The following FIGN variants were observed in gnomAD, a reference collection of about 807,000 sequenced individuals.
FIGN encodes the protein fidgetin.
In FIGN, 11 loss-of-function variants were observed where a neutral mutation model predicts 51.3. The ratio of observed to expected loss-of-function variants is 0.21; its 90% confidence interval spans 0.13 to 0.35. FIGN has a LOEUF of 0.35. FIGN is among the 10% of genes least tolerant of loss of function. FIGN has a pLI of 1.00. For synonymous variants in FIGN, 407 were observed against 363.2 expected, an observed-to-expected ratio of 1.12 and a Z score of -1.37; for missense variants, 857 against 943.6, an observed-to-expected ratio of 0.91 and a Z score of 1.20.
At chr2:163,727,600 T>A (rs1684857038) in intron 2 of FIGN, among the ~76,000 whole-genome samples, 1 of 152,134 alleles carries the variant, frequency 6.6e-6, no homozygotes, top group African/African-American at 2.4e-5. Context: ...ATAAGTTCAA[T>A]TTTTTTCTTC....
intron 2 of FIGN, among the ~76,000 whole-genome samples, chr2:163,645,908 A>G (rs565227900): frequency 2.0e-5 from 3 of 152,328 alleles, no homozygotes; most frequent in African/African-American, 7.2e-5. Flanking sequence ...CCAAACTTTT[A>G]TTTCACTTCT....
In FIGN at chr2:163,715,990, C is replaced by A. The variant is rs923782763; in HGVS notation, c.25+18913G>T. Reference sequence around the variant, plus strand: ...TAAAATAAAAACATATTTTAAGCAGCTTATAGTGCCAACACATTATTCCCA... The same window carrying A: ...TAAAATAAAAACATATTTTAAGCAGATTATAGTGCCAACACATTATTCCCA... On this transcript the variant is annotated intron_variant, in intron 2 of 2. Coordinates refer to ENST00000333129, the MANE Select transcript of FIGN (RefSeq NM_018086.4). Among the ~76,000 whole-genome samples the A allele has an allele frequency of 2.6e-5, 4 of 152,184 alleles. No individual in the cohort carries two copies. In the East Asian group the frequency reaches 5.8e-4, roughly 22 times the overall value.
intron 2 of FIGN, among the ~76,000 whole-genome samples, chr2:163,703,764 C>T (rs542271878): frequency 6.6e-6 from 1 of 152,174 alleles, no homozygotes; most frequent in African/African-American, 2.4e-5. Flanking sequence ...GCCATGTTAA[C>T]TTGATTTCAA....
At chr2:163,631,904 T>C (rs1683151137) in intron 2 of FIGN, among the ~76,000 whole-genome samples, 1 of 152,136 alleles carries the variant, frequency 6.6e-6, no homozygotes, top group South Asian at 2.1e-4. Flanking sequence ...TCCCAGCACT[T>C]TGGGAGGCCG....
intron 2 of FIGN, among the ~76,000 whole-genome samples, chr2:163,617,517 T>A (rs1682900010): frequency 6.6e-6 from 1 of 152,174 alleles, no homozygotes; most frequent in South Asian, 2.1e-4. Context: ...ATTCCAGACA[T>A]CCTCACTTTT....
In FIGN at chr2:163,729,736, T is replaced by C. The variant is rs553926167; in HGVS notation, c.25+5167A>G. On this transcript the variant is annotated intron_variant, in intron 2 of 2. Coordinates refer to ENST00000333129, the MANE Select transcript of FIGN (RefSeq NM_018086.4). ...GGAAGCAGTGATACTATAAATGCTT[T>C]GTGAAAGTCATGAGAGCTAAAATAT... Among the ~76,000 whole-genome samples the C allele has an allele frequency of 1.3e-3, 195 of 152,312 alleles. 1 individual carries two copies. The Middle Eastern group carries it at 0.02, about 16-fold the overall frequency.
chr2:163,665,408 C>A (rs1683757688), intron 2 of FIGN, among the ~76,000 whole-genome samples: 1 of 152,162 alleles, frequency 6.6e-6, no homozygotes, highest in African/African-American at 2.4e-5. Context: ...ATGGATTATT[C>A]CTATTTTACT....
At chr2:163,644,753 G>A (rs948989916) in intron 2 of FIGN, among the ~76,000 whole-genome samples, 1 of 152,146 alleles carries the variant, frequency 6.6e-6, no homozygotes, top group African/African-American at 2.4e-5. Context: ...AAAAAGGAAT[G>A]AAGTACTGGC....
intron 2 of FIGN, among the ~76,000 whole-genome samples, chr2:163,660,804 C>T (rs1221805879): frequency 2.9e-5 from 2 of 69,134 alleles, no homozygotes; most frequent in African/African-American, 6.2e-5. Flanking sequence ...TATAGATATA[C>T]ATATATATAC....
intron 2 of FIGN, among the ~76,000 whole-genome samples, chr2:163,693,879 A>C (rs1372061210): frequency 6.6e-6 from 1 of 152,216 alleles, no homozygotes; most frequent in East Asian, 1.9e-4. Context: ...CACATCAAAC[A>C]AACTGAGCCA....
At chr2:163,637,253 C>G (rs1683240706) in intron 2 of FIGN, among the ~76,000 whole-genome samples, 1 of 152,146 alleles carries the variant, frequency 6.6e-6, no homozygotes, top group Non-Finnish European at 1.5e-5. Context: ...TTAAAACATA[C>G]TTGGGTTCTC....
chr2:163,609,403 A>G lies in FIGN; in HGVS notation c.*149T>C. The G allele has an allele frequency of 1.5e-6, 1 of 684,810 alleles. No individual in the cohort carries two copies. The highest frequency in any genetic ancestry group is 2.1e-5 in the South Asian group (1 of 48,598). 42.4% of individuals were successfully genotyped at this position (684,810 alleles called of 1,614,324 possible). A position where few individuals can be genotyped will look rare whatever the true frequency, so the allele number is the denominator to read the frequency against. ...TTTGATGCACTTTTCCTCCAAATCT[A>G]CCCTGACTCTAAAGATGCAACTTAA... is the stretch of plus-strand genomic sequence containing the variant. On this transcript the variant is annotated 3_prime_UTR_variant, in exon 3 of 3. Coordinates refer to ENST00000333129, the MANE Select transcript of FIGN (RefSeq NM_018086.4).
chr2:163,709,614 G>A (rs955072599), intron 2 of FIGN, among the ~76,000 whole-genome samples: 6 of 152,004 alleles, frequency 3.9e-5, no homozygotes, highest in South Asian at 2.1e-4. Flanking sequence ...CTCAAGAAGC[G>A]ATTTACTATG....
chr2:163,662,262 T>C (rs1293377511), intron 2 of FIGN, among the ~76,000 whole-genome samples: 1 of 152,180 alleles, frequency 6.6e-6, no homozygotes, highest in African/African-American at 2.4e-5. Context: ...GTGCCTGCCC[T>C]AGAGATCTGT....
At chr2:163,657,518 G>A (rs1683580901) in intron 2 of FIGN, among the ~76,000 whole-genome samples, 1 of 151,888 alleles carries the variant, frequency 6.6e-6, no homozygotes, top group African/African-American at 2.4e-5. Flanking sequence ...GTGTGTGTGT[G>A]TGTGTGTGTG....
chr2:163,607,114 T>C lies in FIGN; in HGVS notation c.*2438A>G, dbSNP rs1217005384. 6.6e-6 allele frequency: 1 copy of C among 152,190 alleles called. No homozygotes were observed. The highest frequency in any genetic ancestry group is 1.5e-5 in the Non-Finnish European group (1 of 68,034). The allele number at this position is 152,190 out of a possible 1,614,324, so 9.4% of individuals were successfully genotyped here. On this transcript the variant is annotated 3_prime_UTR_variant, in exon 3 of 3. Coordinates refer to ENST00000333129, the MANE Select transcript of FIGN (RefSeq NM_018086.4). ...TCAAAACTTGCCAGACGCTTTCAAG[T>C]GAACACAGCATGTTGGCGGAAATGA...
At chr2:163,686,760 A>G (rs151209832) in intron 2 of FIGN, among the ~76,000 whole-genome samples, 2 of 129,586 alleles carry the variant, frequency 1.5e-5, no homozygotes, top group East Asian at 2.1e-4. Context: ...ATGTATGTGT[A>G]TATATATATA....
At chr2:163,622,208 T>G (rs1375494518) in intron 2 of FIGN, among the ~76,000 whole-genome samples, 1 of 152,052 alleles carries the variant, frequency 6.6e-6, no homozygotes, top group Non-Finnish European at 1.5e-5. Flanking sequence ...GTGTGGTGGT[T>G]AATGCCTGTA....
intron 2 of FIGN, among the ~76,000 whole-genome samples, chr2:163,723,312 C>G (rs1008051571): frequency 1.3e-5 from 2 of 152,098 alleles, no homozygotes; most frequent in Admixed American, 6.6e-5. Context: ...AGGTCTTATG[C>G]TATACACACA....
Sources: allele counts gnomAD v4.1 joint callset (sites outside exome capture counted in the v4.1 genomes callset), GRCh38; gene constraint gnomAD v4.1.1; transcripts MANE v1.5; gene names NCBI Gene and HGNC (gene_info 2026-07-23, HGNC 2026-07-21).